Variants in CDH18 observed in about 807,000 individuals in gnomAD.
CDH18 encodes cadherin 18.
CDH18 carries 31 observed loss-of-function variants against 67.9 expected under a neutral mutation model. The observed-to-expected ratio is 0.46, with a 90% CI of 0.34 to 0.62. The LOEUF is 0.62. Ranked by LOEUF, CDH18 falls within the 20% of genes least tolerant of loss-of-function variation. The pLI, the probability that CDH18 is intolerant of heterozygous loss-of-function variation, is 0.01. For missense variants in CDH18, 890 were observed against 975.5 expected (o/e 0.91, Z 1.17); for synonymous variants, 362 against 347.2 (o/e 1.04, Z -0.48).
At chr5:19,666,256 TTA>T (rs1182162968) in intron 5 of CDH18, among the ~76,000 whole-genome samples, 1 of 145,550 alleles carries the variant, frequency 6.9e-6, no homozygotes, top group Non-Finnish European at 1.5e-5. Context: ...ATTATTATTA[TTA>T]TTATTATTAT....
At chr5:19,771,311 T>C (rs1468901580) in intron 3 of CDH18, among the ~76,000 whole-genome samples, 1 of 152,238 alleles carries the variant, frequency 6.6e-6, no homozygotes, top group Non-Finnish European at 1.5e-5. Context: ...GCTTCTGTCA[T>C]GCTTACTCCC....
intron 1 of CDH18, among the ~76,000 whole-genome samples, chr5:20,515,494 C>T (rs949316803): frequency 5.3e-5 from 8 of 151,934 alleles, no homozygotes; most frequent in African/African-American, 1.9e-4. Context: ...TTTTCCATTA[C>T]GAAAATACAA....
intron 2 of CDH18, among the ~76,000 whole-genome samples, chr5:20,007,905 C>T (rs1264363014): frequency 3.3e-5 from 5 of 152,002 alleles, no homozygotes; most frequent in South Asian, 4.1e-4. Context: ...TTATAGTCTG[C>T]GGCTGCTTCA....
intron 1 of CDH18, among the ~76,000 whole-genome samples, chr5:20,443,260 A>AGAAAGCTAAGG (rs1749767833): frequency 6.6e-6 from 1 of 151,430 alleles, no homozygotes; most frequent in South Asian, 2.1e-4. Flanking sequence ...AGAGTGACTA[A>AGAAAGCTAAGG]GAAAGCTAAG....
intron 5 of CDH18, among the ~76,000 whole-genome samples, chr5:19,621,490 G>T (rs1750688948): frequency 6.6e-6 from 1 of 151,914 alleles, no homozygotes; most frequent in Non-Finnish European, 1.5e-5. Context: ...ATTATAATCG[G>T]GATCTCATAG....
chr5:20,098,684 G>A (rs547837636), intron 2 of CDH18, among the ~76,000 whole-genome samples: 1 of 151,856 alleles, frequency 6.6e-6, no homozygotes, highest in African/African-American at 2.4e-5. Context: ...AAACTTCAAA[G>A]AATATACTAC....
intron 1 of CDH18, among the ~76,000 whole-genome samples, chr5:20,259,430 C>T (rs188716517): frequency 2.0e-5 from 3 of 152,234 alleles, no homozygotes; most frequent in Admixed American, 2.0e-4. Context: ...ACCTCCGCCA[C>T]CCCTGAGGCC....
At chr5:19,845,024 T>A (rs1782761342) in intron 2 of CDH18, among the ~76,000 whole-genome samples, 1 of 152,158 alleles carries the variant, frequency 6.6e-6, no homozygotes, top group Non-Finnish European at 1.5e-5. Flanking sequence ...CCACTAGCCC[T>A]TACTAAGAAG....
chr5:20,282,022 A>G (rs1746317402), intron 1 of CDH18, among the ~76,000 whole-genome samples: 2 of 151,926 alleles, frequency 1.3e-5, no homozygotes, highest in African/African-American at 4.8e-5. Context: ...TTTGTCTGTT[A>G]TTGGTGTATA....
At chr5:20,336,396 G>A (rs914255084) in intron 1 of CDH18, among the ~76,000 whole-genome samples, 1 of 152,076 alleles carries the variant, frequency 6.6e-6, no homozygotes, top group African/African-American at 2.4e-5. Flanking sequence ...CCCACAATGT[G>A]TCTGCAGCTA....
At chr5:20,103,851 T>C (rs1183694639) in intron 2 of CDH18, among the ~76,000 whole-genome samples, 1 of 151,372 alleles carries the variant, frequency 6.6e-6, no homozygotes, top group Non-Finnish European at 1.5e-5. Flanking sequence ...CAACATAATT[T>C]AACATTACTT....
intron 4 of CDH18, among the ~76,000 whole-genome samples, chr5:19,738,424 T>C (rs1181594607): frequency 6.6e-6 from 1 of 152,208 alleles, no homozygotes; most frequent in East Asian, 1.9e-4. Context: ...TATTATATTT[T>C]TTAGAATTAC....
Position 19,837,871 on chromosome 5 carries a change from C to T in CDH18, c.228+888G>A, listed in dbSNP as rs559596611. On this transcript the variant is annotated intron_variant, in intron 3 of 12. Coordinates refer to ENST00000382275, the MANE Select transcript of CDH18 (RefSeq NM_004934.5). ...CTACTGCTGTGCTTGCTGTTTCTCC[C>T]ATAGGTTTTGAACAAACTGAAGTGT... 1.5e-4 allele frequency among the ~76,000 whole-genome samples: 23 copies of T among 152,268 alleles called. No homozygotes were observed. In the South Asian group the frequency reaches 4.8e-3, roughly 32 times the overall value.
chr5:19,561,017 G>A (rs773260976), intron 8 of CDH18, among the ~76,000 whole-genome samples: 5 of 152,076 alleles, frequency 3.3e-5, no homozygotes, highest in Non-Finnish European at 7.4e-5. Flanking sequence ...AATAGATGTT[G>A]GCATGGATGT....
chr5:19,633,945 G>A (rs1276554494), intron 5 of CDH18, among the ~76,000 whole-genome samples: 1 of 151,994 alleles, frequency 6.6e-6, no homozygotes, highest in Non-Finnish European at 1.5e-5. Context: ...GCCAAACCTT[G>A]TAGGCCCTGG....
At chr5:20,398,994 T>G (rs1371046607) in intron 1 of CDH18, among the ~76,000 whole-genome samples, 1 of 152,020 alleles carries the variant, frequency 6.6e-6, no homozygotes, top group African/African-American at 2.4e-5. Context: ...CCATGGCACA[T>G]GTATACCCAT....
intron 2 of CDH18, among the ~76,000 whole-genome samples, chr5:20,182,520 T>A (rs889797826): frequency 7.1e-6 from 1 of 140,402 alleles, no homozygotes; most frequent in African/African-American, 2.7e-5. Context: ...GAAAATTGCA[T>A]GAACCCACAA....
At position 20,257,903 on chromosome 5, in the gene CDH18, G is replaced by T. The variant is rs190233114; in HGVS notation, c.-579-2398C>A. 7.2e-5 allele frequency among the ~76,000 whole-genome samples: 11 copies of T among 152,154 alleles called. No homozygotes were observed. The East Asian group carries it at 1.7e-3, about 24-fold the overall frequency. ...ATTTTCATGTCTGAGCTCTTGAAAT[G>T]ATAATAAAGTACACTCTTAACTGGA... On this transcript the variant is annotated intron_variant, in intron 1 of 14. Transcript: ENST00000507958.
intron 1 of CDH18, among the ~76,000 whole-genome samples, chr5:20,410,954 A>G (rs1432835776): frequency 6.6e-6 from 1 of 151,980 alleles, no homozygotes; most frequent in African/African-American, 2.4e-5. Context: ...AAAGAAATTA[A>G]AGATGACACA....
Sources: allele counts gnomAD v4.1 joint callset (sites outside exome capture counted in the v4.1 genomes callset), GRCh38; gene constraint gnomAD v4.1.1; transcripts MANE v1.5; gene names NCBI Gene and HGNC (gene_info 2026-07-23, HGNC 2026-07-21).